MYO16: variants seen among roughly 807,000 people sequenced by gnomAD.
MYO16 encodes unconventional myosin-XVI.
Under a neutral mutation model 205.3 loss-of-function variants are expected in MYO16, and 94 were observed. The ratio of observed to expected loss-of-function variants is 0.46; its 90% CI spans 0.39 to 0.54. The LOEUF (loss-of-function observed/expected upper bound fraction) is 0.54. Ranked by LOEUF, MYO16 falls within the 20% of genes least tolerant of loss-of-function variation. The pLI, the probability that MYO16 is intolerant of heterozygous loss-of-function variation, is 0.00. For synonymous variants in MYO16, 988 were observed against 954.0 expected (o/e 1.04, Z -0.66); for missense variants, 2,315 against 2,387.5 (o/e 0.97, Z 0.63).
chr13:109,104,655 G>T (rs1460335186), intron 28 of MYO16, among the ~76,000 whole-genome samples: 1 of 152,162 alleles, frequency 6.6e-6, no homozygotes, highest in Non-Finnish European at 1.5e-5. Context: ...CCATCCAGAG[G>T]AAAGGACAGG....
intron 1 of MYO16, among the ~76,000 whole-genome samples, chr13:108,601,104 G>A (rs899991933): frequency 1.3e-5 from 2 of 152,030 alleles, no homozygotes; most frequent in Non-Finnish European, 2.9e-5. Context: ...CTTTTTTTGC[G>A]AGGTAGACAG....
chr13:108,529,717 G>A, the MYO16 span, among the ~76,000 whole-genome samples: 1 of 152,272 alleles, frequency 6.6e-6, no homozygotes, highest in South Asian at 2.1e-4. Context: ...TCATCTTGAA[G>A]AGTGTTTCTT....
intron 6 of MYO16, among the ~76,000 whole-genome samples, chr13:108,803,667 C>T (rs1887031256): frequency 6.6e-6 from 1 of 152,132 alleles, no homozygotes; most frequent in Admixed American, 6.6e-5. Flanking sequence ...CTAGAGTAGA[C>T]TCAGACTCCC....
At chr13:108,700,812 T>A (rs1883278554) in intron 2 of MYO16, among the ~76,000 whole-genome samples, 3 of 152,250 alleles carry the variant, frequency 2.0e-5, no homozygotes, top group African/African-American at 2.4e-5. Context: ...AAAACTGCAA[T>A]GTGTTCCTCA....
intron 2 of MYO16, among the ~76,000 whole-genome samples, chr13:108,685,387 C>G (rs1028704767): frequency 6.6e-6 from 1 of 152,132 alleles, no homozygotes; most frequent in African/African-American, 2.4e-5. Flanking sequence ...GAACTGGCAT[C>G]TGAAATGGGA....
intron 27 of MYO16, among the ~76,000 whole-genome samples, chr13:109,077,611 T>C (rs897829344): frequency 6.6e-6 from 1 of 152,216 alleles, no homozygotes; most frequent in African/African-American, 2.4e-5. Flanking sequence ...TTTCTTTTAG[T>C]ATTTTTAAGG....
chr13:108,691,931 G>T (rs559432287), intron 2 of MYO16, among the ~76,000 whole-genome samples: 2 of 152,094 alleles, frequency 1.3e-5, no homozygotes, highest in African/African-American at 4.8e-5. Context: ...GCAAGTCCTT[G>T]GTTTAGAGGT....
intron 16 of MYO16, among the ~76,000 whole-genome samples, chr13:108,952,404 T>C (rs1426427334): frequency 6.6e-6 from 1 of 152,122 alleles, no homozygotes; most frequent in Non-Finnish European, 1.5e-5. Flanking sequence ...AATGACTAGC[T>C]TCACAACTTT....
chr13:109,141,402 T>C lies in MYO16; in HGVS notation c.5164+26T>C. On this transcript the variant is annotated intron_variant, in intron 32 of 34. Transcript: ENST00000457511. This position sits in a 1 kb window ranked among gnomAD's most constrained non-coding sequence, Gnocchi z 4.1. Reference sequence around the variant, plus strand: ...GTAAGCGGAGCAGACATCCCCCCACTCCTTTTGCATGGACGCTGTGCTTGC... The same window carrying C: ...GTAAGCGGAGCAGACATCCCCCCACCCCTTTTGCATGGACGCTGTGCTTGC... 7.2e-7 allele frequency: 1 copy of C among 1,388,736 alleles called. No individual in the cohort carries two copies. Among genetic ancestry groups the C allele is most frequent in the Non-Finnish European group, 9.5e-7 (1 of 1,049,752 alleles). 86.0% of individuals were successfully genotyped at this position (1,388,736 alleles called of 1,614,324 possible).
At chr13:108,942,263 T>A (rs1882762192) in intron 16 of MYO16, among the ~76,000 whole-genome samples, 1 of 152,258 alleles carries the variant, frequency 6.6e-6, no homozygotes, top group East Asian at 1.9e-4. Flanking sequence ...TAATTATTAT[T>A]ACAAGCACAT....
Position 109,162,900 on chromosome 13 carries a change from A to C in MYO16, c.5165-2001A>C, listed in dbSNP as rs1183552476. On this transcript the variant is annotated intron_variant, in intron 32 of 34. Coordinates refer to ENST00000457511, the MANE Select transcript of MYO16 (RefSeq NM_001198950.3). The surrounding 1 kb of genome is among the most constrained non-coding windows in gnomAD (Gnocchi z 4.6). ...GACCACATTGAATAAGTATTCTTTC[A>C]GTTTCAGCCCATTCAATAATTGCTC... Among the ~76,000 whole-genome samples the C allele has an allele frequency of 6.6e-6, 1 of 152,216 alleles. No homozygotes were observed. The highest frequency in any genetic ancestry group is 6.5e-5 in the Admixed American group (1 of 15,280).
intron 18 of MYO16, among the ~76,000 whole-genome samples, chr13:108,962,116 T>C (rs577929172): frequency 6.6e-6 from 1 of 152,166 alleles, no homozygotes; most frequent in African/African-American, 2.4e-5. Flanking sequence ...AAACAACATA[T>C]CTTCACCTAT....
intron 20 of MYO16, among the ~76,000 whole-genome samples, chr13:108,991,781 G>T (rs1884840768): frequency 6.6e-6 from 1 of 151,962 alleles, no homozygotes; most frequent in Non-Finnish European, 1.5e-5. Flanking sequence ...TGACATGTAG[G>T]CTCAGTTCCT....
chr13:108,521,486 C>G, the MYO16 span, among the ~76,000 whole-genome samples: 2 of 152,188 alleles, frequency 1.3e-5, no homozygotes, highest in African/African-American at 4.8e-5. Context: ...TCCAAAACAG[C>G]TATCTGTTAG....
chr13:108,656,096 G>A (rs1227360188), intron 1 of MYO16, among the ~76,000 whole-genome samples: 4 of 151,990 alleles, frequency 2.6e-5, no homozygotes, highest in African/African-American at 4.8e-5. Context: ...AGATTTGGAG[G>A]GGCTAGGGGC....
At chr13:109,189,853 C>T (rs1220038907) in intron 34 of MYO16, among the ~76,000 whole-genome samples, 3 of 152,092 alleles carry the variant, frequency 2.0e-5, no homozygotes. Flanking sequence ...GTTTTCTTTA[C>T]CTGAGCATGC....
At chr13:108,568,360 T>C in the MYO16 span, among the ~76,000 whole-genome samples, 1 of 152,280 alleles carries the variant, frequency 6.6e-6, no homozygotes, top group Non-Finnish European at 1.5e-5. Context: ...TTAACACTTA[T>C]AATTGTCTGA....
intron 11 of MYO16, among the ~76,000 whole-genome samples, chr13:108,861,061 T>C (rs1878428051): frequency 6.6e-6 from 1 of 152,176 alleles, no homozygotes; most frequent in Non-Finnish European, 1.5e-5. Flanking sequence ...TTTTTTCCCA[T>C]AAATGTTGTA....
rs555963128 is a variant in MYO16, at chr13:108,819,061, T to C, written c.868-1276T>C. ...AAAAAAATATATTAGCACTATCTAG[T>C]CACTTTGATGCTGTCCAAACTGATA... is the stretch of plus-strand genomic sequence containing the variant. On this transcript the variant is annotated intron_variant, in intron 7 of 34. Coordinates refer to ENST00000457511, the MANE Select transcript of MYO16 (RefSeq NM_001198950.3). 7.9e-5 allele frequency among the ~76,000 whole-genome samples: 12 copies of C among 152,304 alleles called. No homozygotes were observed. The East Asian group carries it at 2.3e-3, about 29-fold the overall frequency.
Sources: allele counts gnomAD v4.1 joint callset (sites outside exome capture counted in the v4.1 genomes callset), GRCh38; gene constraint gnomAD v4.1.1; non-coding constraint Gnocchi (gnomAD v3.1); transcripts MANE v1.5; gene names NCBI Gene and HGNC (gene_info 2026-07-23, HGNC 2026-07-21).